DOCK2: variants seen among roughly 807,000 people sequenced by gnomAD.
DOCK2 encodes dedicator of cytokinesis protein 2.
Under a neutral mutation model 248.9 loss-of-function variants are expected in DOCK2, and 87 were observed. The ratio of observed to expected loss-of-function variants is 0.35; its 90% CI spans 0.29 to 0.42. DOCK2 has a LOEUF of 0.42. DOCK2 is among the 10% of genes least tolerant of loss of function. The pLI is 1.00. For missense variants in DOCK2, 1,747 were observed against 2,300.2 expected (o/e 0.76, Z 4.92); for synonymous variants, 805 against 821.6 (o/e 0.98, Z 0.35).
intron 22 of DOCK2, among the ~76,000 whole-genome samples, chr5:169,728,207 A>C (rs978020436): frequency 2.0e-5 from 3 of 152,140 alleles, no homozygotes; most frequent in African/African-American, 7.2e-5. Flanking sequence ...GTGGGTTTTT[A>C]TAGTGTATTG....
intron 26 of DOCK2, among the ~76,000 whole-genome samples, chr5:169,818,952 A>G (rs1768242197): frequency 1.3e-5 from 2 of 152,132 alleles, no homozygotes; most frequent in Admixed American, 1.3e-4. Context: ...ATATTTGTCC[A>G]AATATAAACT....
At chr5:170,017,744 C>T (rs1755584013) in intron 32 of DOCK2, among the ~76,000 whole-genome samples, 1 of 152,218 alleles carries the variant, frequency 6.6e-6, no homozygotes, top group Admixed American at 6.5e-5. Context: ...CATTACACAG[C>T]TGTAATTGAT....
At chr5:170,041,526 A>C (rs1756518115) in intron 37 of DOCK2, among the ~76,000 whole-genome samples, 1 of 152,194 alleles carries the variant, frequency 6.6e-6, no homozygotes, top group Admixed American at 6.5e-5. Flanking sequence ...CATGTTTCTT[A>C]GGGGTTCAAT....
intron 6 of DOCK2, among the ~76,000 whole-genome samples, chr5:169,675,682 C>T (rs1351926339): frequency 6.6e-6 from 1 of 152,162 alleles, no homozygotes; most frequent in Non-Finnish European, 1.5e-5. Flanking sequence ...GCATGGCATA[C>T]TCAAGGAACT....
At position 169,927,908 on chromosome 5, in the gene DOCK2, T is replaced by G. The variant is rs574099588; in HGVS notation, c.2800-55160T>G. 3.3e-4 allele frequency among the ~76,000 whole-genome samples: 50 copies of G among 152,232 alleles called. 1 individual carries two copies. Among genetic ancestry groups the G allele is most frequent in the South Asian group, 2.1e-3 (10 of 4,820 alleles). ...TGGGATTACAGGCATGAGACACTGC[T>G]CCCGGCCCGAAAAATTCTTTATTCA... On this transcript the variant is annotated intron_variant, in intron 27 of 51. Coordinates refer to ENST00000520908, the MANE Select transcript of DOCK2 (RefSeq NM_004946.3).
At chr5:169,957,308 G>A (rs1243445276) in intron 27 of DOCK2, among the ~76,000 whole-genome samples, 1 of 152,186 alleles carries the variant, frequency 6.6e-6, no homozygotes, top group African/African-American at 2.4e-5. Context: ...CCATAGCATG[G>A]GGATAGTAAG....
At chr5:169,820,082 C>T (rs937407644) in intron 26 of DOCK2, among the ~76,000 whole-genome samples, 9 of 152,182 alleles carry the variant, frequency 5.9e-5, no homozygotes, top group Non-Finnish European at 8.8e-5. Flanking sequence ...GAGGGGCGCC[C>T]GCCATAGCTG....
intron 25 of DOCK2, among the ~76,000 whole-genome samples, chr5:169,790,998 C>G (rs1231383745): frequency 6.6e-6 from 1 of 152,176 alleles, no homozygotes; most frequent in Non-Finnish European, 1.5e-5. Flanking sequence ...ACCTCCCATC[C>G]CACCCCCAGC....
At position 169,996,176 on chromosome 5, in the gene DOCK2, C is replaced by A; in HGVS notation, c.3072+12C>A. 2 of 1,613,112 alleles carry A rather than the reference C, an allele frequency of 1.2e-6. No individual in the cohort carries two copies. Among genetic ancestry groups the A allele is most frequent in the Non-Finnish European group, 1.7e-6 (2 of 1,179,488 alleles). ...ACTTTGAGTTCCAGGTGAGTATAAG[C>A]CACCAGAGCTACCCTTGGAGCTGCC... On this transcript the variant is annotated intron_variant, in intron 30 of 51. Transcript: ENST00000520908.
chr5:169,931,423 C>T (rs1410096598), intron 27 of DOCK2, among the ~76,000 whole-genome samples: 1 of 152,206 alleles, frequency 6.6e-6, no homozygotes, highest in African/African-American at 2.4e-5. Flanking sequence ...CGCCTGAACC[C>T]TCAGACTTCT....
In DOCK2 at chr5:170,077,602, C is replaced by T. The variant is rs189196905; in HGVS notation, c.4867-108C>T. The T allele has an allele frequency of 3.9e-5, 58 of 1,505,814 alleles. No individual in the cohort carries two copies. In the African/African-American group the frequency reaches 4.8e-4, roughly 13 times the overall value. 93.3% of individuals were successfully genotyped at this position (1,505,814 alleles called of 1,614,324 possible). The stretch of plus-strand genomic sequence containing the variant: ...CAGGAACTTTTGTGCTGATGCTCCA[C>T]TCAGCCCCACAACTCTGCCCTGCCT... On this transcript the variant is annotated intron_variant, in intron 47 of 51. Transcript: ENST00000520908.
At chr5:169,844,768 A>T in intron 27 of DOCK2, among the ~76,000 whole-genome samples, 1 of 149,896 alleles carries the variant, frequency 6.7e-6, no homozygotes, top group African/African-American at 2.5e-5. Context: ...TTATCTATGA[A>T]CTTGTCACAG....
intron 6 of DOCK2, among the ~76,000 whole-genome samples, chr5:169,675,074 A>T (rs895602296): frequency 1.3e-5 from 2 of 152,260 alleles, no homozygotes; most frequent in Non-Finnish European, 2.9e-5. Flanking sequence ...AATTCTTATA[A>T]TAACTCTATG....
At chr5:169,937,315 G>A (rs541722867) in intron 27 of DOCK2, among the ~76,000 whole-genome samples, 3 of 152,258 alleles carry the variant, frequency 2.0e-5, no homozygotes, top group Admixed American at 6.5e-5. Flanking sequence ...TTGCCAACCC[G>A]TAGACTTGGG....
rs542896157 is a variant in DOCK2 at position 169,868,910 on chromosome 5, C to G, written c.2799+28058C>G. 2.0e-5 allele frequency among the ~76,000 whole-genome samples: 3 copies of G among 152,224 alleles called. No homozygotes were observed. In the East Asian group the frequency reaches 5.8e-4, roughly 29 times the overall value. On this transcript the variant is annotated intron_variant, in intron 27 of 51. Coordinates refer to ENST00000520908, the MANE Select transcript of DOCK2 (RefSeq NM_004946.3). ...CCAACATAGAGGATGGAGTGAGGGC[C>G]CCAGAGCTGAATGCTCTTGGGTTTG...
At chr5:169,804,437 AGTGT>A (rs55660700) in intron 26 of DOCK2, among the ~76,000 whole-genome samples, 16,190 of 134,490 alleles carry the variant, frequency 0.12, 1,030 homozygotes, top group Middle Eastern at 0.15. Flanking sequence ...AGAGCTACAA[AGTGT>A]GTGTGTGTGT....
chr5:169,706,219 T>C (rs1008678575), intron 14 of DOCK2, among the ~76,000 whole-genome samples: 2 of 152,356 alleles, frequency 1.3e-5, no homozygotes, highest in Non-Finnish European at 1.5e-5. Flanking sequence ...TTGCCTGCCA[T>C]GCGGCAGTTT....
chr5:169,776,167 T>G lies in DOCK2; in HGVS notation c.2554+14542T>G, dbSNP rs971523535. Reference sequence around the variant, plus strand: ...ATTATATTTATATAAATATATATATTTATATAAATATATATATATAGGTCT... The same window carrying G: ...ATTATATTTATATAAATATATATATGTATATAAATATATATATATAGGTCT... On this transcript the variant is annotated intron_variant, in intron 25 of 51. Transcript: ENST00000520908. Among the ~76,000 whole-genome samples, 26 of 144,906 alleles carry G rather than the reference T, an allele frequency of 1.8e-4. No homozygotes were observed. The East Asian group carries it at 4.9e-3, about 27-fold the overall frequency.
At chr5:169,702,474 C>T (rs375010706) in intron 14 of DOCK2, 47 bp downstream of exon 14, 3 of 1,605,854 alleles carry the variant, frequency 1.9e-6, no homozygotes, top group Non-Finnish European at 2.6e-6. Flanking sequence ...GCCTTGGGGG[C>T]CTCTGCTTGT....
Sources: allele counts gnomAD v4.1 joint callset (sites outside exome capture counted in the v4.1 genomes callset), GRCh38; gene constraint gnomAD v4.1.1; transcripts MANE v1.5; gene names NCBI Gene and HGNC (gene_info 2026-07-23, HGNC 2026-07-21).